The following HIPK2 variants were observed in gnomAD, a reference collection of about 807,000 sequenced individuals.
The protein encoded by HIPK2 is homeodomain interacting protein kinase 2, also known as homeodomain-interacting protein kinase 2.
In HIPK2, 27 loss-of-function variants were observed where a neutral mutation model predicts 113.7. The ratio of observed to expected loss-of-function variants is 0.24; its 90% CI spans 0.17 to 0.33. The LOEUF (loss-of-function observed/expected upper bound fraction) is 0.33, where lower values mean the gene tolerates loss of function less well. Among genes scored for constraint, HIPK2 ranks in the 10% least tolerant of loss-of-function variants. The pLI is 1.00. For synonymous variants in HIPK2, 631 were observed against 642.2 expected (o/e 0.98, Z 0.26); for missense variants, 1,257 against 1,588.0 (o/e 0.79, Z 3.54).
In HIPK2 at chr7:139,577,467, T is replaced by C. The variant is rs569353460; in HGVS notation, c.2966-2179A>G. ...GCGCTGGGCCAACACTGGGCTTCTT[T>C]AGGAGCAAACTGCATAATGGCCTAG... On this transcript the variant is annotated intron_variant, in intron 13 of 14. Coordinates refer to ENST00000406875, the MANE Select transcript of HIPK2 (RefSeq NM_022740.5). 2.6e-5 allele frequency among the ~76,000 whole-genome samples: 4 copies of C among 152,212 alleles called. No individual in the cohort carries two copies. The East Asian group carries it at 7.7e-4, about 29-fold the overall frequency.
intron 7 of HIPK2, among the ~76,000 whole-genome samples, chr7:139,616,607 G>A (rs902148022): frequency 6.6e-6 from 1 of 152,222 alleles, no homozygotes; most frequent in East Asian, 1.9e-4. Context: ...CCTAGCCTGG[G>A]TCCCACATGC....
chr7:139,584,148 G>A, intron 12 of HIPK2, 84 bp from the exon 13 acceptor site: 1 of 1,509,260 alleles, frequency 6.6e-7, no homozygotes, highest in Non-Finnish European at 8.9e-7. Context: ...CTGGGGCAGG[G>A]GAGGGAGGCA....
At chr7:139,655,507 T>C (rs1212494426) in intron 2 of HIPK2, among the ~76,000 whole-genome samples, 1 of 152,210 alleles carries the variant, frequency 6.6e-6, no homozygotes, top group African/African-American at 2.4e-5. Flanking sequence ...GTCTTTCCGC[T>C]TATCCGACGT....
At chr7:139,621,401 C>A (rs1184243964) in intron 6 of HIPK2, among the ~76,000 whole-genome samples, 1 of 152,212 alleles carries the variant, frequency 6.6e-6, no homozygotes, top group Non-Finnish European at 1.5e-5. Context: ...TAGAAATTTT[C>A]TCCTTTTCTT....
chr7:139,589,659 C>T (rs1798951911), intron 12 of HIPK2, among the ~76,000 whole-genome samples: 1 of 152,214 alleles, frequency 6.6e-6, no homozygotes, highest in Non-Finnish European at 1.5e-5. Context: ...CTTGTGAGAG[C>T]TGACAGCTTG....
chr7:139,615,379 C>T (rs1193734314), intron 7 of HIPK2, among the ~76,000 whole-genome samples: 4 of 152,200 alleles, frequency 2.6e-5, no homozygotes, highest in Non-Finnish European at 5.9e-5. Context: ...AGAAAAGATG[C>T]TGGTGTGTCC....
intron 12 of HIPK2, among the ~76,000 whole-genome samples, chr7:139,591,874 A>G (rs1370623947): frequency 6.6e-6 from 1 of 152,260 alleles, no homozygotes; most frequent in Non-Finnish European, 1.5e-5. Flanking sequence ...GGCTGGCTGT[A>G]GCAGCTTCTC....
At chr7:139,768,829 T>G (rs181589182) in intron 1 of HIPK2, among the ~76,000 whole-genome samples, 1 of 152,322 alleles carries the variant, frequency 6.6e-6, no homozygotes, top group African/African-American at 2.4e-5. Context: ...CTCGGCATTC[T>G]GGAGTGTTCT....
chr7:139,636,483 A>G (rs569799959), intron 2 of HIPK2, among the ~76,000 whole-genome samples: 297 of 152,246 alleles, frequency 2.0e-3, no homozygotes, highest in Non-Finnish European at 3.2e-3. Flanking sequence ...ATGAGGTCAC[A>G]CTGGAGTAGG....
chr7:139,593,420 C>T (rs1392767792), intron 12 of HIPK2, among the ~76,000 whole-genome samples: 5 of 152,220 alleles, frequency 3.3e-5, no homozygotes, highest in Admixed American at 6.5e-5. Flanking sequence ...GGAGTTCTTA[C>T]GAGTGGAGCT....
chr7:139,754,460 T>A (rs966762893), intron 1 of HIPK2, among the ~76,000 whole-genome samples: 3 of 152,128 alleles, frequency 2.0e-5, no homozygotes, highest in Non-Finnish European at 2.9e-5. Context: ...AGCAGGAAGA[T>A]GTCTGTGCAC....
chr7:139,587,448 C>A (rs930441546), intron 12 of HIPK2, among the ~76,000 whole-genome samples: 1 of 135,398 alleles, frequency 7.4e-6, no homozygotes, highest in Non-Finnish European at 1.5e-5. Context: ...AAGATTGCAC[C>A]ATTGTACTCC....
At chr7:139,672,518 T>G (rs1472935001) in intron 2 of HIPK2, among the ~76,000 whole-genome samples, 2 of 152,048 alleles carry the variant, frequency 1.3e-5, no homozygotes, top group East Asian at 3.8e-4. Flanking sequence ...CCAGCTGGAG[T>G]GCAATGGCGC....
chr7:139,584,530 G>T (rs1250539840), intron 12 of HIPK2, among the ~76,000 whole-genome samples: 1 of 152,264 alleles, frequency 6.6e-6, no homozygotes, highest in Non-Finnish European at 1.5e-5. Context: ...GCTTAGGTTT[G>T]GTGCCTGCGG....
At chr7:139,710,463 A>G (rs1795028842) in intron 2 of HIPK2, among the ~76,000 whole-genome samples, 1 of 152,186 alleles carries the variant, frequency 6.6e-6, no homozygotes, top group Non-Finnish European at 1.5e-5. Context: ...GTCTGGCAGA[A>G]GGTAGGTTCA....
intron 2 of HIPK2, among the ~76,000 whole-genome samples, chr7:139,661,931 CAG>C (rs1801880078): frequency 1.3e-5 from 2 of 152,220 alleles, no homozygotes; most frequent in African/African-American, 4.8e-5. Context: ...TCCCTCCTCC[CAG>C]AGTCTTTTAA....
chr7:139,585,641 T>C (rs1022840731), intron 12 of HIPK2, among the ~76,000 whole-genome samples: 6 of 152,218 alleles, frequency 3.9e-5, no homozygotes, highest in African/African-American at 9.6e-5. Flanking sequence ...TGTACCTATA[T>C]CATAGGCTTG....
At chr7:139,656,691 A>T (rs946598937) in intron 2 of HIPK2, among the ~76,000 whole-genome samples, 3 of 151,862 alleles carry the variant, frequency 2.0e-5, no homozygotes, top group African/African-American at 7.3e-5. Context: ...TTACCCCATC[A>T]TGTTTTTCTG....
At chr7:139,577,135 G>A (rs1483971221) in intron 13 of HIPK2, among the ~76,000 whole-genome samples, 5 of 148,966 alleles carry the variant, frequency 3.4e-5, no homozygotes, top group African/African-American at 1.2e-4. Flanking sequence ...AAGATACTGG[G>A]CTTCCTTTTT....
Sources: allele counts gnomAD v4.1 joint callset (sites outside exome capture counted in the v4.1 genomes callset), GRCh38; gene constraint gnomAD v4.1.1; transcripts MANE v1.5; gene names NCBI Gene and HGNC (gene_info 2026-07-23, HGNC 2026-07-21).